THSD7B: variants seen among roughly 807,000 people sequenced by gnomAD.
THSD7B encodes thrombospondin type-1 domain-containing protein 7B.
THSD7B carries 138 observed loss-of-function variants against 213.6 expected under a neutral mutation model. That is an observed-to-expected ratio of 0.65 (90% CI 0.56 to 0.74). The LOEUF (loss-of-function observed/expected upper bound fraction) is 0.74, where lower values mean the gene tolerates loss of function less well. Ranked by LOEUF, THSD7B falls within the 30% of genes least tolerant of loss-of-function variation. THSD7B has a pLI of 0.00. For synonymous variants in THSD7B, 742 were observed against 687.0 expected (o/e 1.08, Z -1.25); for missense variants, 1,931 against 1,991.5 (o/e 0.97, Z 0.58).
chr2:136,853,165 C>T (rs904686780), intron 1 of THSD7B, among the ~76,000 whole-genome samples: 1 of 152,068 alleles, frequency 6.6e-6, no homozygotes. Flanking sequence ...CTGTTCAGGA[C>T]ATCAACCCTG....
intron 1 of THSD7B, among the ~76,000 whole-genome samples, chr2:136,847,948 T>C (rs1683037469): frequency 1.3e-5 from 2 of 152,198 alleles, no homozygotes; most frequent in African/African-American, 2.4e-5. Context: ...AAGATTCCAG[T>C]GTGCATTTAA....
At chr2:137,216,879 A>G (rs1681257891) in intron 7 of THSD7B, among the ~76,000 whole-genome samples, 1 of 152,156 alleles carries the variant, frequency 6.6e-6, no homozygotes, top group African/African-American at 2.4e-5. Context: ...ATCACTGTCT[A>G]GGTTAGCTGC....
At chr2:137,422,030 G>A (rs1015531980) in intron 14 of THSD7B, among the ~76,000 whole-genome samples, 5 of 152,188 alleles carry the variant, frequency 3.3e-5, no homozygotes, top group African/African-American at 1.2e-4. Flanking sequence ...TAAGAGGGCA[G>A]TCATGTTTTT....
intron 1 of THSD7B, among the ~76,000 whole-genome samples, chr2:136,839,821 C>A (rs183493064): frequency 6.6e-6 from 1 of 151,912 alleles, no homozygotes; most frequent in African/African-American, 2.4e-5. Context: ...TTTTTTAAAT[C>A]AAAGAAATTA....
chr2:137,207,098 A>T (rs1389889125), intron 7 of THSD7B, among the ~76,000 whole-genome samples: 2 of 152,032 alleles, frequency 1.3e-5, no homozygotes, highest in Non-Finnish European at 2.9e-5. Flanking sequence ...TGTCTAAAGG[A>T]ATGAAGAGAA....
intron 9 of THSD7B, among the ~76,000 whole-genome samples, chr2:137,236,544 A>G (rs1332148309): frequency 1.3e-5 from 2 of 152,234 alleles, no homozygotes; most frequent in Non-Finnish European, 2.9e-5. Flanking sequence ...AAATAATGAT[A>G]ATAAAGATTG....
intron 1 of THSD7B, among the ~76,000 whole-genome samples, chr2:136,819,807 T>C (rs1173655896): frequency 6.6e-6 from 1 of 151,624 alleles, no homozygotes; most frequent in Non-Finnish European, 1.5e-5. Flanking sequence ...AGTTTTCTTC[T>C]TGGGAAAGAA....
chr2:136,967,059 G>A (rs749741647), intron 2 of THSD7B, among the ~76,000 whole-genome samples: 2 of 152,074 alleles, frequency 1.3e-5, no homozygotes, highest in Non-Finnish European at 2.9e-5. Context: ...CTGGGGAAGC[G>A]AATGCTGTTT....
At chr2:137,649,593 C>G (rs1349908626) in intron 21 of THSD7B, among the ~76,000 whole-genome samples, 1 of 152,156 alleles carries the variant, frequency 6.6e-6, no homozygotes, top group African/African-American at 2.4e-5. Flanking sequence ...TCTATAAATG[C>G]ATGAATATAA....
intron 2 of THSD7B, among the ~76,000 whole-genome samples, chr2:136,998,829 A>G (rs1052537518): frequency 4.6e-5 from 7 of 151,960 alleles, no homozygotes; most frequent in African/African-American, 1.5e-4. Context: ...GTTTAAAAAC[A>G]TACTTGGTGA....
At chr2:136,918,840 T>C (rs578882) in intron 2 of THSD7B, among the ~76,000 whole-genome samples, 63,586 of 151,790 alleles carry the variant, frequency 0.42, 15,097 homozygotes, top group Non-Finnish European at 0.55. Context: ...TTCGTTTCTT[T>C]AATTCAACAT....
chr2:136,784,671 G>A (rs563674718), intron 1 of THSD7B, among the ~76,000 whole-genome samples: 2 of 152,062 alleles, frequency 1.3e-5, no homozygotes, highest in Non-Finnish European at 2.9e-5. Flanking sequence ...AGCTTCAAAG[G>A]TGTTATATAC....
chr2:136,940,726 T>TATATATAA (rs1292706536), intron 2 of THSD7B, among the ~76,000 whole-genome samples: 6 of 42,228 alleles, frequency 1.4e-4, no homozygotes, highest in African/African-American at 3.9e-4. Context: ...TATATATATA[T>TATATATAA]AATATATATA....
At chr2:137,428,223 A>G (rs1293764865) in intron 14 of THSD7B, among the ~76,000 whole-genome samples, 1 of 152,168 alleles carries the variant, frequency 6.6e-6, no homozygotes, top group Non-Finnish European at 1.5e-5. Context: ...ACATCATGTC[A>G]TTAAGGAACT....
intron 21 of THSD7B, among the ~76,000 whole-genome samples, chr2:137,643,722 G>T (rs1326902207): frequency 6.6e-6 from 1 of 152,080 alleles, no homozygotes; most frequent in African/African-American, 2.4e-5. Context: ...TAAGCTCAAA[G>T]AATTTAGAAA....
At chr2:137,659,261 T>G (rs957119743) in intron 24 of THSD7B, among the ~76,000 whole-genome samples, 2 of 152,184 alleles carry the variant, frequency 1.3e-5, no homozygotes, top group Non-Finnish European at 2.9e-5. Context: ...ATCGGCCTAG[T>G]GCCTACCTGG....
intron 3 of THSD7B, among the ~76,000 whole-genome samples, chr2:137,063,840 G>C (rs1687325611): frequency 6.6e-6 from 1 of 152,062 alleles, no homozygotes; most frequent in Non-Finnish European, 1.5e-5. Context: ...TGGTGCAGAT[G>C]ACAGGATCTC....
At chr2:137,294,148 G>C (rs187440986) in intron 12 of THSD7B, among the ~76,000 whole-genome samples, 4 of 150,790 alleles carry the variant, frequency 2.7e-5, no homozygotes, top group Non-Finnish European at 4.4e-5. Flanking sequence ...TGGTTAACTC[G>C]TCTCTCTCTT....
At chr2:137,591,384 A>G in intron 17 of THSD7B, among the ~76,000 whole-genome samples, 1 of 151,848 alleles carries the variant, frequency 6.6e-6, no homozygotes, top group East Asian at 1.9e-4. Flanking sequence ...TAGTATTCTC[A>G]TTTTCATTAT....
Sources: gnomAD v4.1 joint callset for allele counts (sites outside exome capture counted in the v4.1 genomes callset) on GRCh38, gnomAD v4.1.1 for gene constraint, MANE v1.5 for transcripts, NCBI Gene and HGNC (gene_info 2026-07-23, HGNC 2026-07-21) for gene names.